Variants in DIMT1 observed in about 807,000 individuals in gnomAD.
DIMT1 encodes dimethyladenosine transferase.
DIMT1 carries 36 observed loss-of-function variants against 43.2 expected under a neutral mutation model. The observed-to-expected ratio is 0.83, with a 90% CI of 0.64 to 1.10. The LOEUF (loss-of-function observed/expected upper bound fraction) is 1.10, where lower values mean the gene tolerates loss of function less well. Ranked by LOEUF, DIMT1 falls within the 50% of genes least tolerant of loss-of-function variation. The probability of loss-of-function intolerance (pLI) is 0.00; values close to 1 mark genes in which losing one functional copy is unlikely to be tolerated. For missense variants in DIMT1, 341 were observed against 385.3 expected (o/e 0.88, Z 0.96); for synonymous variants, 126 against 130.3 (o/e 0.97, Z 0.22).
chr5:62,392,938 G>C lies in DIMT1; in HGVS notation c.716C>G (p.Ser239Cys), dbSNP rs1449811923. 6.2e-7 allele frequency: 1 copy of C among 1,607,394 alleles called. No individual in the cohort carries two copies. Among genetic ancestry groups the C allele is most frequent in the South Asian group, 1.1e-5 (1 of 90,842 alleles). Residue 239 changes from serine (S) to cysteine (C), a missense_variant, in exon 9 of 12, where the codon TCT becomes TGT. Physicochemically the swap from Ser to Cys is moderately radical, Grantham distance 112 (BLOSUM62 -1). Transcript: ENST00000199320. ...GTGTAATACTTACTTAAATGCAGCA[G>C]AGAGTGTCTTGTTTTTCCTAACAAA... is the stretch of plus-strand genomic sequence containing the variant. ...ITFVRKNKTL[S>C]AAFKSSAVQQ...
At position 62,390,951 on chromosome 5, in the gene DIMT1, T is replaced by C. The variant is rs148664994; in HGVS notation, c.824A>G (p.Lys275Arg). 23 of 1,613,060 alleles carry C rather than the reference T, an allele frequency of 1.4e-5. No homozygotes were observed. The African/African-American group carries it at 2.5e-4, about 18-fold the overall frequency. Reference sequence around the variant, plus strand: ...TGTGCTGGTTAGGATTTGCTGTATTTTATCTGCTATGCTGAAATCTTCTGG... The same window carrying C: ...TGTGCTGGTTAGGATTTGCTGTATTCTATCTGCTATGCTGAAATCTTCTGG... Reference protein sequence around the residue: ...IIPEDFSIADKIQQILTSTGF... With the variant: ...IIPEDFSIADRIQQILTSTGF... The change falls in exon 11 of 12, where the codon AAA (lysine) becomes AGA (arginine). Residue 275 changes from lysine (K) to arginine (R), a missense_variant. Coordinates refer to ENST00000199320, the MANE Select transcript of DIMT1 (RefSeq NM_014473.4).
At chr5:62,395,535 A>G (rs945387063) in intron 6 of DIMT1, among the ~76,000 whole-genome samples, 1 of 152,168 alleles carries the variant, frequency 6.6e-6, no homozygotes, top group Non-Finnish European at 1.5e-5. Flanking sequence ...ATGAAACCAT[A>G]ATCACCTGGA....
chr5:62,402,714 GCT>G (rs1327508764), intron 2 of DIMT1, among the ~76,000 whole-genome samples: 2 of 152,084 alleles, frequency 1.3e-5, no homozygotes, highest in Non-Finnish European at 2.9e-5. Flanking sequence ...ACTATGTAAT[GCT>G]CTTTCTACAG....
chr5:62,391,984 A>G, intron 10 of DIMT1, 187 bp downstream of exon 10: 1 of 1,540,854 alleles, frequency 6.5e-7, no homozygotes, highest in South Asian at 1.2e-5. Context: ...TATCTGTTTC[A>G]CAGGATACAC....
At chr5:62,392,860 A>C (rs1476838211) in intron 9 of DIMT1, 66 bp downstream of exon 9, 3 of 1,141,482 alleles carry the variant, frequency 2.6e-6, no homozygotes. Context: ...CAGGAAAAGG[A>C]CCAAATTCTA....
At chr5:62,396,655 C>T (rs1242404742) in intron 6 of DIMT1, among the ~76,000 whole-genome samples, 1 of 152,120 alleles carries the variant, frequency 6.6e-6, no homozygotes, top group Non-Finnish European at 1.5e-5. Context: ...GGAAGCTTTC[C>T]CAGGAGTTAC....
intron 11 of DIMT1, among the ~76,000 whole-genome samples, chr5:62,390,378 C>A (rs1045413070): frequency 1.6e-4 from 25 of 152,038 alleles, no homozygotes; most frequent in African/African-American, 5.8e-4. Flanking sequence ...CTTCAGGCTA[C>A]AAAACTGTAT....
intron 1 of DIMT1, 138 bp downstream of exon 1, chr5:62,403,556 G>GACC (rs1432259036): frequency 2.8e-6 from 3 of 1,082,814 alleles, no homozygotes; most frequent in South Asian, 3.0e-5. Context: ...CCGAGTCGGG[G>GACC]ACCCACCCCT....
chr5:62,399,788 C>T (rs1742635583), intron 3 of DIMT1, among the ~76,000 whole-genome samples: 1 of 152,038 alleles, frequency 6.6e-6, no homozygotes, highest in Non-Finnish European at 1.5e-5. Context: ...TGCCTGTAAT[C>T]CCAGCTACTC....
chr5:62,392,916 T>G lies in DIMT1; in HGVS notation c.728+10A>C, dbSNP rs1742359044. ...GCCCTTTATACATTAGAAATTAGTGTAATACTTACTTAAATGCAGCAGAGA... is the reference window on the plus strand; with the variant it reads ...GCCCTTTATACATTAGAAATTAGTGGAATACTTACTTAAATGCAGCAGAGA... On this transcript the variant is annotated intron_variant, in intron 9 of 11. Transcript: ENST00000199320. The G allele has an allele frequency of 6.3e-7, 1 of 1,596,142 alleles. No individual in the cohort carries two copies. The highest frequency in any genetic ancestry group is 8.6e-7 in the Non-Finnish European group (1 of 1,164,094).
rs1742524230 is a variant in DIMT1 at position 62,397,123 on chromosome 5, T to C, written c.446+1388A>G. On this transcript the variant is annotated intron_variant, in intron 6 of 11. Transcript: ENST00000199320. ...CACCACAATGCCCAGCTAATTTTTTTATTTTTAGTAGAGATGGGGTTTCAC... is the reference window on the plus strand; with the variant it reads ...CACCACAATGCCCAGCTAATTTTTTCATTTTTAGTAGAGATGGGGTTTCAC... 2.6e-5 allele frequency among the ~76,000 whole-genome samples: 4 copies of C among 151,852 alleles called. No individual in the cohort carries two copies. In the South Asian group the frequency reaches 6.2e-4, roughly 24 times the overall value.
intron 3 of DIMT1, among the ~76,000 whole-genome samples, chr5:62,399,498 G>C (rs1021054104): frequency 1.0e-5 from 1 of 95,710 alleles, no homozygotes; most frequent in African/African-American, 4.5e-5. Flanking sequence ...CAAAATATTA[G>C]CTGGGCCTAG....
chr5:62,403,621 G>C, intron 1 of DIMT1, 73 bp downstream of exon 1: 1 of 1,511,676 alleles, frequency 6.6e-7, no homozygotes, highest in Non-Finnish European at 9.0e-7. Flanking sequence ...TCAGGTCTTG[G>C]TCCGCACCCC....
chr5:62,388,225 A>G lies in DIMT1; in HGVS notation c.*785T>C, dbSNP rs1403126613. 6.6e-6 allele frequency: 1 copy of G among 152,214 alleles called. No homozygotes were observed. The highest frequency in any genetic ancestry group is 2.4e-5 in the African/African-American group (1 of 41,454). 9.4% of individuals were successfully genotyped at this position (152,214 alleles called of 1,614,324 possible). On this transcript the variant is annotated 3_prime_UTR_variant, in exon 12 of 12. Coordinates refer to ENST00000199320, the MANE Select transcript of DIMT1 (RefSeq NM_014473.4). ...TTATGGGAAATGGCTGTTTTTCTGA[A>G]GTTGAAACCAGTTTCAATTACAAAA... is the stretch of plus-strand genomic sequence containing the variant.
chr5:62,394,577 A>G lies in DIMT1; in HGVS notation c.477T>C (p.Phe159=). The change falls in exon 7 of 12, where the codon TTT becomes TTC. Residue 159 remains phenylalanine, a synonymous_variant. Coordinates refer to ENST00000199320, the MANE Select transcript of DIMT1 (RefSeq NM_014473.4). ...RCAILMFQRE[F]ALRLVAKPGD... is the part of the protein sequence containing the mutation. ...CAGGTTTTGCAACCAGTCGGAGGGC[A>G]AATTCTCTTTGAAACATAAGTATAG... 1 of 1,614,232 alleles carries G rather than the reference A, an allele frequency of 6.2e-7. No homozygotes were observed. Among genetic ancestry groups the G allele is most frequent in the Non-Finnish European group, 8.5e-7 (1 of 1,180,030 alleles).
At position 62,403,756 on chromosome 5, in the gene DIMT1, G is replaced by C. The variant is rs759749818; in HGVS notation, c.17C>G (p.Ser6Trp). 2 of 1,610,156 alleles carry C rather than the reference G, an allele frequency of 1.2e-6. No individual in the cohort carries two copies. Among genetic ancestry groups the C allele is most frequent in the African/African-American group, 2.7e-5 (2 of 74,896 alleles). MPKVK[S>W]GAIGRRRGRQ... is the part of the protein sequence containing the mutation. ...CCCGCGGCGGCGGCCGATGGCCCCC[G>C]ACTTGACCTTCGGCATCTCGGCAGA... Residue 6 changes from serine (S) to tryptophan (W), a missense_variant, in exon 1 of 12, where the codon TCG (serine) becomes TGG (tryptophan). Transcript: ENST00000199320.
In DIMT1 at chr5:62,388,889, T is replaced by C. The variant is rs1254241382; in HGVS notation, c.*121A>G. The C allele has an allele frequency of 3.2e-6, 3 of 939,712 alleles. No homozygotes were observed. Among genetic ancestry groups the C allele is most frequent in the African/African-American group, 1.7e-5 (1 of 59,454 alleles). The allele number at this position is 939,712 out of a possible 1,614,324, so 58.2% of individuals were successfully genotyped here. On this transcript the variant is annotated 3_prime_UTR_variant, in exon 12 of 12. Transcript: ENST00000199320. ...ATAAATGGTGACAACAGTAGTAGTA[T>C]TGAACCAAAAATAGTCAAGTAAATA...
rs1450661765 is a variant in DIMT1, at chr5:62,394,961, T to TGAGACTGAAGAGGC, written c.447-368_447-355dup. ...GTAGCAAACACCTTTAAGGAAGAGGTGAGACTGAAGAGGCAGATTGTGACG... is the reference window on the plus strand; with the variant it reads ...GTAGCAAACACCTTTAAGGAAGAGGTGAGACTGAAGAGGCGAGACTGAAGAGGCAGATTGTGACG... On this transcript the variant is annotated intron_variant, in intron 6 of 11. Coordinates refer to ENST00000199320, the MANE Select transcript of DIMT1 (RefSeq NM_014473.4). 2.0e-5 allele frequency among the ~76,000 whole-genome samples: 3 copies of TGAGACTGAAGAGGC among 151,862 alleles called. No homozygotes were observed. The East Asian group carries it at 5.8e-4, about 29-fold the overall frequency.
intron 9 of DIMT1, 127 bp downstream of exon 9, chr5:62,392,799 A>C: frequency 1.9e-6 from 1 of 536,234 alleles, no homozygotes; most frequent in Non-Finnish European, 3.2e-6. Flanking sequence ...AGATAGTTTA[A>C]AAGGTGAAGT....
Sources: allele counts gnomAD v4.1 joint callset (sites outside exome capture counted in the v4.1 genomes callset), GRCh38; gene constraint gnomAD v4.1.1; transcripts MANE v1.5; gene names NCBI Gene and HGNC (gene_info 2026-07-23, HGNC 2026-07-21).